The following DNAJC12 variants were observed in gnomAD, a reference collection of about 807,000 sequenced individuals.
DNAJC12 encodes DnaJ heat shock protein family (Hsp40) member C12.
DNAJC12 carries 25 observed loss-of-function variants against 28.5 expected under a neutral mutation model. The ratio of observed to expected loss-of-function variants is 0.88; its 90% CI spans 0.64 to 1.22. The LOEUF (loss-of-function observed/expected upper bound fraction) is 1.22. DNAJC12 is among the 50% of genes most tolerant of loss of function. DNAJC12 has a pLI of 0.00. For missense variants in DNAJC12, 222 were observed against 231.7 expected (o/e 0.96, Z 0.27); for synonymous variants, 77 against 80.6 (o/e 0.95, Z 0.24).
intron 1 of DNAJC12, 145 bp from the exon 2 acceptor site, chr10:67,823,537 C>A (rs1215343486): frequency 3.2e-6 from 2 of 628,478 alleles, no homozygotes; most frequent in African/African-American, 3.7e-5. Context: ...CCAGTCTCTA[C>A]AAAATATAAA....
intron 3 of DNAJC12, chr10:67,808,472 A>C (rs1841825448): frequency 6.6e-6 from 1 of 152,150 alleles, no homozygotes. Flanking sequence ...ATTTTCTTAC[A>C]TTCTAGACCT....
chr10:67,826,851 A>C (rs544422812), intron 1 of DNAJC12, among the ~76,000 whole-genome samples: 3 of 132,324 alleles, frequency 2.3e-5, no homozygotes, highest in South Asian at 2.2e-4. Flanking sequence ...CTAATGATAT[A>C]TATTATATCT....
intron 2 of DNAJC12, among the ~76,000 whole-genome samples, chr10:67,822,645 G>A (rs1262455766): frequency 6.6e-6 from 1 of 152,058 alleles, no homozygotes; most frequent in Non-Finnish European, 1.5e-5. Context: ...ACAAAAGTAT[G>A]AATATATGGA....
chr10:67,831,676 T>C (rs1331091030), intron 1 of DNAJC12, among the ~76,000 whole-genome samples: 1 of 152,238 alleles, frequency 6.6e-6, no homozygotes. Flanking sequence ...TACTTAATTG[T>C]TCTCAAATTG....
intron 3 of DNAJC12, 60 bp downstream of exon 3, chr10:67,811,464 G>A: frequency 1.9e-6 from 3 of 1,609,422 alleles, no homozygotes; most frequent in East Asian, 2.2e-5. Context: ...TACTACATGA[G>A]TCTAATCCAT....
intron 1 of DNAJC12, among the ~76,000 whole-genome samples, chr10:67,823,818 T>C (rs1308674559): frequency 6.6e-6 from 1 of 152,186 alleles, no homozygotes; most frequent in Non-Finnish European, 1.5e-5. Context: ...TATTTTGACT[T>C]TTTCCTCTAA....
intron 1 of DNAJC12, among the ~76,000 whole-genome samples, chr10:67,833,535 A>G (rs1398222735): frequency 6.6e-6 from 1 of 151,904 alleles, no homozygotes; most frequent in African/African-American, 2.4e-5. Context: ...TACACACCCT[A>G]CTTGCCTCAT....
chr10:67,808,890 C>G (rs897100420), intron 3 of DNAJC12, among the ~76,000 whole-genome samples: 3 of 152,184 alleles, frequency 2.0e-5, no homozygotes, highest in Admixed American at 2.0e-4. Context: ...TGTTTCCCAT[C>G]TGGCTGGTGA....
intron 1 of DNAJC12, among the ~76,000 whole-genome samples, chr10:67,829,234 C>T (rs538774396): frequency 1.2e-4 from 18 of 152,168 alleles, no homozygotes; most frequent in Non-Finnish European, 2.5e-4. Flanking sequence ...GACAGAGAAG[C>T]AGTCCAAGCC....
At chr10:67,810,056 G>A (rs1034912291) in intron 3 of DNAJC12, among the ~76,000 whole-genome samples, 37 of 152,126 alleles carry the variant, frequency 2.4e-4, no homozygotes, top group African/African-American at 8.2e-4. Flanking sequence ...TTGACTCACA[G>A]TTCCTCAGGC....
At chr10:67,832,227 T>C (rs1842101444) in intron 1 of DNAJC12, among the ~76,000 whole-genome samples, 1 of 146,120 alleles carries the variant, frequency 6.8e-6, no homozygotes, top group Admixed American at 7.0e-5. Flanking sequence ...ATTGCGTCAT[T>C]GCACTCCAGC....
intron 2 of DNAJC12, among the ~76,000 whole-genome samples, chr10:67,814,125 T>G (rs543629818): frequency 6.6e-6 from 1 of 151,130 alleles, no homozygotes; most frequent in Admixed American, 6.6e-5. Context: ...AAAGCTACAG[T>G]AGTGAAAACA....
chr10:67,819,587 C>T (rs1242529629), intron 2 of DNAJC12, among the ~76,000 whole-genome samples: 1 of 148,690 alleles, frequency 6.7e-6, no homozygotes, highest in African/African-American at 2.5e-5. Flanking sequence ...TGCAGTGAGC[C>T]GAGATCATGC....
At chr10:67,818,622 G>A (rs1370561534) in intron 2 of DNAJC12, among the ~76,000 whole-genome samples, 1 of 151,990 alleles carries the variant, frequency 6.6e-6, no homozygotes, top group African/African-American at 2.4e-5. Context: ...AATAACCTGG[G>A]GTGGTGGTGG....
At chr10:67,826,142 T>C (rs760286444) in intron 1 of DNAJC12, among the ~76,000 whole-genome samples, 3 of 13,338 alleles carry the variant, frequency 2.2e-4, no homozygotes, top group Non-Finnish European at 3.8e-4. Context: ...TTTTTTTTTC[T>C]TTTTTTTTTT....
At chr10:67,835,286 G>T (rs1012982918) in intron 1 of DNAJC12, among the ~76,000 whole-genome samples, 1 of 152,112 alleles carries the variant, frequency 6.6e-6, no homozygotes, top group African/African-American at 2.4e-5. Flanking sequence ...AGCATCAAAT[G>T]AAGGAATACC....
At chr10:67,808,369 A>G (rs1006216136) in intron 3 of DNAJC12, 2 of 152,224 alleles carry the variant, frequency 1.3e-5, no homozygotes, top group Admixed American at 6.5e-5. Context: ...TAATCTTAAC[A>G]GTCTGTGAAA....
chr10:67,804,059 G>A (rs1378074913), intron 4 of DNAJC12, among the ~76,000 whole-genome samples: 1 of 152,206 alleles, frequency 6.6e-6, no homozygotes, highest in African/African-American at 2.4e-5. Context: ...GAATACAAGT[G>A]TTCTAGGGTG....
chr10:67,811,350 A>G, intron 3 of DNAJC12, 174 bp downstream of exon 3: 1 of 1,451,250 alleles, frequency 6.9e-7, no homozygotes, highest in Non-Finnish European at 9.1e-7. Flanking sequence ...CATTGCCTTT[A>G]TTCTGATGAG....
Sources: allele counts gnomAD v4.1 joint callset (sites outside exome capture counted in the v4.1 genomes callset), GRCh38; gene constraint gnomAD v4.1.1; transcripts MANE v1.5; gene names NCBI Gene and HGNC (gene_info 2026-07-23, HGNC 2026-07-21).